MIPEP: variants seen among roughly 807,000 people sequenced by gnomAD.
MIPEP encodes the protein mitochondrial intermediate peptidase.
MIPEP carries 79 observed loss-of-function variants against 90.3 expected under a neutral mutation model. That is an observed-to-expected ratio of 0.87 (90% CI 0.73 to 1.05). MIPEP has a LOEUF of 1.05. Among genes scored for constraint, MIPEP ranks in the 50% least tolerant of loss-of-function variants. The pLI, the probability that MIPEP is intolerant of heterozygous loss-of-function variation, is 0.00. For missense variants in MIPEP, 940 were observed against 905.6 expected (o/e 1.04, Z -0.49); for synonymous variants, 334 against 315.8 (o/e 1.06, Z -0.61).
chr13:23,801,730 C>T (rs898657789), intron 16 of MIPEP, among the ~76,000 whole-genome samples: 1 of 152,044 alleles, frequency 6.6e-6, no homozygotes, highest in Non-Finnish European at 1.5e-5. Flanking sequence ...TTCACTTTAC[C>T]TTATGCTTGT....
chr13:23,781,814 G>C (rs1952785585), intron 16 of MIPEP, among the ~76,000 whole-genome samples: 1 of 152,088 alleles, frequency 6.6e-6, no homozygotes, highest in African/African-American at 2.4e-5. Context: ...CCTAGTCTCT[G>C]ATAAAATAGA....
intron 18 of MIPEP, among the ~76,000 whole-genome samples, chr13:23,738,616 T>G (rs1004813057): frequency 7.1e-5 from 10 of 141,734 alleles, no homozygotes; most frequent in Admixed American, 6.8e-5. Context: ...CCCAGCTAGT[T>G]TTTTTTTTTT....
rs1199369769 is a variant in MIPEP at position 23,805,891 on chromosome 13, T to C, written c.1848+59A>G. The C allele has an allele frequency of 1.9e-6, 3 of 1,576,124 alleles. No homozygotes were observed. In the African/African-American group the frequency reaches 4.1e-5, roughly 21 times the overall value. On this transcript the variant is annotated intron_variant, in intron 16 of 18. Coordinates refer to ENST00000382172, the MANE Select transcript of MIPEP (RefSeq NM_005932.4). ...TCCAAAGGGGAAGATAATCACAAGC[T>C]ACAGAAGTAATAGCAGAACCACTCA...
At chr13:23,780,507 A>C (rs533345299) in intron 16 of MIPEP, among the ~76,000 whole-genome samples, 1 of 152,180 alleles carries the variant, frequency 6.6e-6, no homozygotes, top group Non-Finnish European at 1.5e-5. Context: ...ATGAGGAAAA[A>C]ACAGAGCAGA....
At chr13:23,867,724 A>T (rs1870604803) in intron 7 of MIPEP, among the ~76,000 whole-genome samples, 1 of 152,116 alleles carries the variant, frequency 6.6e-6, no homozygotes, top group African/African-American at 2.4e-5. Context: ...GATGATATAA[A>T]ACATAGGGCA....
At chr13:23,764,417 G>A (rs1219181600) in intron 16 of MIPEP, among the ~76,000 whole-genome samples, 1 of 152,190 alleles carries the variant, frequency 6.6e-6, no homozygotes, top group African/African-American at 2.4e-5. Context: ...TCCAGGGCCG[G>A]AAATGGAAAG....
At chr13:23,799,622 G>A (rs10220085) in intron 16 of MIPEP, among the ~76,000 whole-genome samples, 12,377 of 152,216 alleles carry the variant, frequency 0.081, 1,710 homozygotes, top group African/African-American at 0.28. Context: ...CACTGCGCCC[G>A]GCCTAGGATA....
intron 10 of MIPEP, chr13:23,842,518 C>A (rs1869343767): frequency 6.6e-6 from 1 of 152,134 alleles, no homozygotes; most frequent in Non-Finnish European, 1.5e-5. Context: ...ATCCAGTGCC[C>A]TCGCTCCCTG....
intron 16 of MIPEP, among the ~76,000 whole-genome samples, chr13:23,771,611 G>A (rs1386459340): frequency 6.6e-6 from 1 of 150,616 alleles, no homozygotes; most frequent in Non-Finnish European, 1.5e-5. Flanking sequence ...AAATAATACT[G>A]CTATTAGCTT....
chr13:23,822,671 A>T (rs1462763473), intron 14 of MIPEP, among the ~76,000 whole-genome samples: 1 of 152,200 alleles, frequency 6.6e-6, no homozygotes, highest in Non-Finnish European at 1.5e-5. Context: ...CCCAGTGCTC[A>T]TTTATTCTAT....
intron 16 of MIPEP, among the ~76,000 whole-genome samples, chr13:23,765,638 G>A (rs1006281939): frequency 1.3e-5 from 2 of 152,168 alleles, no homozygotes; most frequent in African/African-American, 4.8e-5. Flanking sequence ...CAAGGGCATG[G>A]CCTACATATT....
intron 16 of MIPEP, among the ~76,000 whole-genome samples, chr13:23,783,173 A>G (rs1440068521): frequency 1.3e-5 from 2 of 152,188 alleles, no homozygotes; most frequent in Non-Finnish European, 2.9e-5. Flanking sequence ...TTTTAGACCA[A>G]TATCCCTGAT....
At chr13:23,820,416 G>A (rs1342823736) in intron 14 of MIPEP, among the ~76,000 whole-genome samples, 1 of 152,144 alleles carries the variant, frequency 6.6e-6, no homozygotes, top group Non-Finnish European at 1.5e-5. Flanking sequence ...TTTGAGCACA[G>A]AACACCTGCT....
intron 16 of MIPEP, among the ~76,000 whole-genome samples, chr13:23,761,991 G>A (rs9553051): frequency 0.16 from 23,752 of 152,000 alleles, 1,996 homozygotes; most frequent in South Asian, 0.23. Context: ...CAGGCGTGGC[G>A]GCACAAGTCT....
chr13:23,761,539 A>AC (rs1952543626), intron 16 of MIPEP, among the ~76,000 whole-genome samples: 1 of 152,208 alleles, frequency 6.6e-6, no homozygotes, highest in Non-Finnish European at 1.5e-5. Context: ...TCATGGAAGG[A>AC]CACAGTTCCA....
At chr13:23,850,546 T>C (rs1400062880) in intron 10 of MIPEP, among the ~76,000 whole-genome samples, 1 of 152,160 alleles carries the variant, frequency 6.6e-6, no homozygotes, top group Non-Finnish European at 1.5e-5. Context: ...AGCAACACAG[T>C]TCACTGAAAA....
intron 17 of MIPEP, among the ~76,000 whole-genome samples, chr13:23,758,712 T>C (rs545393154): frequency 1.3e-5 from 2 of 152,266 alleles, no homozygotes; most frequent in Admixed American, 6.5e-5. Flanking sequence ...ATTTAAAAAT[T>C]CTATGACATC....
In MIPEP at chr13:23,857,724, AAGTG is replaced by A. The variant is rs1190736358; in HGVS notation, c.1106+1132_1106+1135del. ...AAAGAGAGGAAAATAAATGAAAATT[AAGTG>A]AGTAAGTGCTTCAAAACACTAATTG... On this transcript the variant is annotated intron_variant, in intron 10 of 18. Transcript: ENST00000382172. Among the ~76,000 whole-genome samples, 11 of 152,352 alleles carry A rather than the reference AAGTG, an allele frequency of 7.2e-5. No homozygotes were observed. In the South Asian group the frequency reaches 1.4e-3, roughly 20 times the overall value.
chr13:23,749,931 C>T (rs560231172), intron 18 of MIPEP, among the ~76,000 whole-genome samples: 1 of 152,230 alleles, frequency 6.6e-6, no homozygotes, highest in South Asian at 2.1e-4. Context: ...GCCTAATACT[C>T]CTCTTTCAAT....
Sources: allele counts gnomAD v4.1 joint callset (sites outside exome capture counted in the v4.1 genomes callset), GRCh38; gene constraint gnomAD v4.1.1; transcripts MANE v1.5; gene names NCBI Gene and HGNC (gene_info 2026-07-23, HGNC 2026-07-21).